Variants in RNF144A observed in about 807,000 individuals in gnomAD.
The protein encoded by RNF144A is ring finger protein 144A.
RNF144A carries 11 observed loss-of-function variants against 38.7 expected under a neutral mutation model. The ratio of observed to expected loss-of-function variants is 0.28; its 90% CI spans 0.18 to 0.47. The LOEUF is 0.47. Among genes scored for constraint, RNF144A ranks in the 20% least tolerant of loss-of-function variants. The pLI is 0.99. For synonymous variants in RNF144A, 149 were observed against 143.9 expected (o/e 1.04, Z -0.25); for missense variants, 316 against 377.2 (o/e 0.84, Z 1.34).
At chr2:7,035,250 C>T (rs1001751206) in intron 8 of RNF144A, among the ~76,000 whole-genome samples, 8 of 152,192 alleles carry the variant, frequency 5.3e-5, no homozygotes, top group Non-Finnish European at 1.0e-4. Flanking sequence ...TCTCCCGTTA[C>T]GTGTCTCTAA....
intron 3 of RNF144A, among the ~76,000 whole-genome samples, chr2:7,011,828 G>A (rs1670835025): frequency 1.3e-5 from 2 of 152,174 alleles, no homozygotes; most frequent in Admixed American, 6.5e-5. Flanking sequence ...TTTGATGGAT[G>A]CAAGGTCAGG....
chr2:7,021,240 C>G (rs1055402511), intron 6 of RNF144A, among the ~76,000 whole-genome samples: 1 of 152,140 alleles, frequency 6.6e-6, no homozygotes, highest in Non-Finnish European at 1.5e-5. Context: ...ATATCCAGGT[C>G]TTTTTCTCCT....
chr2:7,014,270 C>G (rs1278593343), intron 3 of RNF144A, among the ~76,000 whole-genome samples, 184 bp from the exon 4 acceptor site: 2 of 152,148 alleles, frequency 1.3e-5, no homozygotes, highest in East Asian at 3.8e-4. Flanking sequence ...AATGGGTACC[C>G]CATAAATAGT....
chr2:7,002,237 G>A (rs529724364), intron 3 of RNF144A, among the ~76,000 whole-genome samples: 2 of 152,264 alleles, frequency 1.3e-5, no homozygotes, highest in Admixed American at 6.5e-5. Context: ...TGCACATAGC[G>A]GATATTTATT....
intron 2 of RNF144A, among the ~76,000 whole-genome samples, chr2:6,976,168 A>G (rs867606803): frequency 6.6e-6 from 1 of 152,198 alleles, no homozygotes; most frequent in Non-Finnish European, 1.5e-5. Context: ...AATCTTTGGT[A>G]GATATATTGA....
At chr2:7,037,416 G>T (rs979383176) in intron 8 of RNF144A, among the ~76,000 whole-genome samples, 2 of 152,248 alleles carry the variant, frequency 1.3e-5, no homozygotes, top group Admixed American at 6.5e-5. Context: ...GTGCCAGGTA[G>T]TCGAGGTTGC....
chr2:6,925,048 G>A (rs766428290), intron 1 of RNF144A, among the ~76,000 whole-genome samples: 2 of 152,210 alleles, frequency 1.3e-5, no homozygotes, highest in Admixed American at 6.5e-5. Flanking sequence ...GCCACACGGC[G>A]AATTTTGATA....
chr2:7,073,402 A>G, the RNF144A span, among the ~76,000 whole-genome samples: 1 of 142,204 alleles, frequency 7.0e-6, no homozygotes, highest in African/African-American at 2.8e-5. Context: ...GAAGGCCAAC[A>G]TGAGGTCAGA....
intron 1 of RNF144A, among the ~76,000 whole-genome samples, chr2:6,927,537 C>T (rs978568303): frequency 6.6e-6 from 1 of 152,214 alleles, no homozygotes; most frequent in Non-Finnish European, 1.5e-5. Context: ...GGCAGGACTT[C>T]TTCCTTGTGT....
intron 7 of RNF144A, 88 bp downstream of exon 7, chr2:7,024,604 G>C: frequency 6.9e-7 from 1 of 1,447,286 alleles, no homozygotes. Context: ...GTTTCCTAAA[G>C]AGCTTGGTGC....
At chr2:6,949,317 A>AAT (rs1483788876) in intron 2 of RNF144A, among the ~76,000 whole-genome samples, 2 of 152,092 alleles carry the variant, frequency 1.3e-5, no homozygotes, top group African/African-American at 4.8e-5. Context: ...GGGAAAAAAA[A>AAT]ATCACATTTC....
intron 2 of RNF144A, among the ~76,000 whole-genome samples, chr2:6,990,465 T>C (rs1471542691): frequency 9.5e-6 from 1 of 105,154 alleles, no homozygotes; most frequent in African/African-American, 3.7e-5. Context: ...ATATATAATA[T>C]AACATATAAT....
At chr2:6,981,661 A>G (rs1271569586) in intron 2 of RNF144A, among the ~76,000 whole-genome samples, 1 of 152,164 alleles carries the variant, frequency 6.6e-6, no homozygotes, top group African/African-American at 2.4e-5. Context: ...ACCATTCAAC[A>G]AGTCTCTAGG....
intron 1 of RNF144A, among the ~76,000 whole-genome samples, chr2:6,929,839 C>T (rs1665093696): frequency 1.3e-5 from 2 of 152,044 alleles, no homozygotes; most frequent in South Asian, 4.2e-4. Context: ...CCTTGTTAAG[C>T]ATGGAATTGT....
chr2:7,011,526 C>CAT (rs1042516587), intron 3 of RNF144A, among the ~76,000 whole-genome samples: 1 of 152,188 alleles, frequency 6.6e-6, no homozygotes, highest in African/African-American at 2.4e-5. Context: ...TCTCATCTGT[C>CAT]ATGTGAGCAT....
intron 2 of RNF144A, among the ~76,000 whole-genome samples, chr2:6,975,600 A>G (rs1668261447): frequency 1.3e-5 from 2 of 152,192 alleles, no homozygotes; most frequent in Non-Finnish European, 1.5e-5. Context: ...AGGCAGGCAC[A>G]TTGCTTGAGA....
chr2:6,964,067 A>C (rs1201271563), intron 2 of RNF144A, among the ~76,000 whole-genome samples: 1 of 152,134 alleles, frequency 6.6e-6, no homozygotes, highest in Non-Finnish European at 1.5e-5. Context: ...GAGATGGAAA[A>C]AAAAACAAAA....
intron 1 of RNF144A, among the ~76,000 whole-genome samples, chr2:6,918,119 G>A (rs1664255960): frequency 6.6e-6 from 1 of 152,118 alleles, no homozygotes; most frequent in Admixed American, 6.5e-5. Flanking sequence ...GACGCGTCCG[G>A]GGCATCGCCA....
At chr2:7,060,074 G>T (rs1558469860) in intron 6 of RNF144A, among the ~76,000 whole-genome samples, 1 of 152,094 alleles carries the variant, frequency 6.6e-6, no homozygotes, top group Non-Finnish European at 1.5e-5. Context: ...CCATGTTCTG[G>T]AAGTTTCAGC....
Sources: allele counts gnomAD v4.1 joint callset (sites outside exome capture counted in the v4.1 genomes callset), GRCh38; gene constraint gnomAD v4.1.1; transcripts MANE v1.5; gene names NCBI Gene and HGNC (gene_info 2026-07-23, HGNC 2026-07-21).